MPZL1: variants seen among roughly 807,000 people sequenced by gnomAD.
MPZL1 encodes myelin protein zero-like protein 1.
Under a neutral mutation model 29.3 loss-of-function variants are expected in MPZL1, and 16 were observed. The ratio of observed to expected loss-of-function variants is 0.55; its 90% CI spans 0.37 to 0.83. MPZL1 has a LOEUF of 0.83. Ranked by LOEUF, MPZL1 falls within the 40% of genes least tolerant of loss-of-function variation. The probability of loss-of-function intolerance (pLI) is 0.00; values close to 1 mark genes in which losing one functional copy is unlikely to be tolerated. For missense variants in MPZL1, 279 were observed against 332.9 expected (o/e 0.84, Z 1.26); for synonymous variants, 143 against 132.0 (o/e 1.08, Z -0.57).
chr1:167,727,234 A>G (rs1660166297), intron 1 of MPZL1, among the ~76,000 whole-genome samples: 1 of 152,204 alleles, frequency 6.6e-6, no homozygotes, highest in Non-Finnish European at 1.5e-5. Flanking sequence ...TGGTCTACCT[A>G]CTAAATATTT....
intron 1 of MPZL1, 117 bp from the exon 2 acceptor site, chr1:167,765,466 C>A: frequency 2.9e-6 from 2 of 699,982 alleles, no homozygotes; most frequent in Non-Finnish European, 4.5e-6. Flanking sequence ...TATGTAATGG[C>A]AGTGAATTAC....
At chr1:167,739,292 T>C (rs1256355484) in intron 1 of MPZL1, among the ~76,000 whole-genome samples, 103 of 109,644 alleles carry the variant, frequency 9.4e-4, no homozygotes, top group African/African-American at 5.3e-3. Context: ...CATATATATA[T>C]ATATATATAT....
rs538366944 is a variant in MPZL1 at position 167,746,235 on chromosome 1, A to G, written c.92-19348A>G. ...CAGACTGAGAGATAGCATATACAGC[A>G]TATTATAAAGAGTGTGCTGTGTTGG... On this transcript the variant is annotated intron_variant, in intron 1 of 5. Transcript: ENST00000359523. Among the ~76,000 whole-genome samples, 76 of 152,006 alleles carry G rather than the reference A, an allele frequency of 5.0e-4. 2 individuals are homozygous for G. The highest frequency in any genetic ancestry group is 3.2e-3 in the Middle Eastern group (1 of 316).
At chr1:167,766,358 G>C (rs1661114252) in intron 2 of MPZL1, among the ~76,000 whole-genome samples, 1 of 152,120 alleles carries the variant, frequency 6.6e-6, no homozygotes, top group Non-Finnish European at 1.5e-5. Flanking sequence ...GTGGAGTGCT[G>C]GTTATTAAAC....
chr1:167,760,179 T>G (rs367608949), intron 1 of MPZL1, among the ~76,000 whole-genome samples: 1 of 152,084 alleles, frequency 6.6e-6, no homozygotes, highest in Non-Finnish European at 1.5e-5. Flanking sequence ...GAGAGATCAA[T>G]TTCTAGATAG....
chr1:167,743,681 G>GGTTGA (rs1229201806), intron 1 of MPZL1, among the ~76,000 whole-genome samples: 2 of 151,848 alleles, frequency 1.3e-5, no homozygotes, highest in African/African-American at 4.8e-5. Flanking sequence ...TTGTAGAAGG[G>GGTTGA]GTTGAGTTCT....
chr1:167,776,875 G>A lies in MPZL1; in HGVS notation c.708+709G>A, dbSNP rs536241777. ...GCCAGTTATAGCTTTGTCCTAAAAAGGTGTTAGCTGGTGGGAATGGATTTA... is the reference window on the plus strand; with the variant it reads ...GCCAGTTATAGCTTTGTCCTAAAAAAGTGTTAGCTGGTGGGAATGGATTTA... On this transcript the variant is annotated intron_variant, in intron 5 of 5. Transcript: ENST00000359523. Among the ~76,000 whole-genome samples the A allele has an allele frequency of 2.2e-4, 33 of 152,296 alleles. No individual in the cohort carries two copies. The South Asian group carries it at 6.0e-3, about 28-fold the overall frequency.
intron 1 of MPZL1, among the ~76,000 whole-genome samples, chr1:167,723,054 T>G (rs1660071856): frequency 6.6e-6 from 1 of 152,236 alleles, no homozygotes; most frequent in Non-Finnish European, 1.5e-5. Context: ...TTTATGGGAA[T>G]TGGATGACTT....
intron 1 of MPZL1, among the ~76,000 whole-genome samples, chr1:167,738,030 A>G (rs1399523376): frequency 1.3e-5 from 2 of 152,056 alleles, no homozygotes; most frequent in Non-Finnish European, 2.9e-5. Context: ...GGTTCACGCC[A>G]TTCTCCTGCC....
intron 1 of MPZL1, among the ~76,000 whole-genome samples, chr1:167,738,256 T>G (rs1660419921): frequency 6.6e-6 from 1 of 152,012 alleles, no homozygotes; most frequent in South Asian, 2.1e-4. Flanking sequence ...ATTACCTTTT[T>G]TTGATTTAAC....
intron 1 of MPZL1, among the ~76,000 whole-genome samples, chr1:167,745,199 C>T (rs1660619751): frequency 2.0e-5 from 3 of 152,110 alleles, no homozygotes; most frequent in Non-Finnish European, 4.4e-5. Flanking sequence ...AAGGATGGCT[C>T]ACTTGGGCTT....
At chr1:167,780,764 A>G (rs1661480647) in intron 5 of MPZL1, among the ~76,000 whole-genome samples, 1 of 152,186 alleles carries the variant, frequency 6.6e-6, no homozygotes, top group African/African-American at 2.4e-5. Context: ...TAATTGGTAC[A>G]GTTTCAGTTT....
chr1:167,760,791 G>GTGTGTGTA (rs1464992289), intron 1 of MPZL1, among the ~76,000 whole-genome samples: 11 of 148,446 alleles, frequency 7.4e-5, no homozygotes, highest in Non-Finnish European at 1.6e-4. Context: ...GTGTGTGTGT[G>GTGTGTGTA]TGTACAGGTG....
chr1:167,737,624 T>C (rs1353628039), intron 1 of MPZL1, among the ~76,000 whole-genome samples: 6 of 152,228 alleles, frequency 3.9e-5, no homozygotes, highest in Non-Finnish European at 5.9e-5. Context: ...TAGATGTTTA[T>C]TGAATGACCT....
chr1:167,756,090 C>T (rs747764458), intron 1 of MPZL1, among the ~76,000 whole-genome samples: 3 of 151,928 alleles, frequency 2.0e-5, no homozygotes, highest in African/African-American at 4.8e-5. Context: ...AGCTGGACAT[C>T]GATCATGAGC....
chr1:167,733,452 G>A (rs1660310203), intron 1 of MPZL1, among the ~76,000 whole-genome samples: 2 of 152,176 alleles, frequency 1.3e-5, no homozygotes, highest in African/African-American at 2.4e-5. Flanking sequence ...GTGGTGAAAG[G>A]TGTGTCCTCT....
chr1:167,761,092 C>G (rs558392266), intron 1 of MPZL1, among the ~76,000 whole-genome samples: 7 of 152,122 alleles, frequency 4.6e-5, no homozygotes, highest in Non-Finnish European at 8.8e-5. Flanking sequence ...AAAACAGTTT[C>G]TATGGAGTAA....
chr1:167,723,864 T>C (rs1202861911), intron 1 of MPZL1, among the ~76,000 whole-genome samples: 2 of 152,228 alleles, frequency 1.3e-5, no homozygotes, highest in Non-Finnish European at 2.9e-5. Context: ...TCATGGATAC[T>C]GCACATAAGA....
chr1:167,748,237 C>T (rs1408885096), intron 1 of MPZL1, among the ~76,000 whole-genome samples: 1 of 152,166 alleles, frequency 6.6e-6, no homozygotes, highest in Non-Finnish European at 1.5e-5. Flanking sequence ...TTTCAAAAGG[C>T]TGTATCATTT....
Sources: gnomAD v4.1 joint callset for allele counts (sites outside exome capture counted in the v4.1 genomes callset) on GRCh38, gnomAD v4.1.1 for gene constraint, MANE v1.5 for transcripts, NCBI Gene and HGNC (gene_info 2026-07-23, HGNC 2026-07-21) for gene names.